The following DAB1 variants were observed in gnomAD, a reference collection of about 807,000 sequenced individuals.
DAB1 encodes the protein disabled homolog 1.
DAB1 carries 15 observed loss-of-function variants against 64.6 expected under a neutral mutation model. The ratio of observed to expected loss-of-function variants is 0.23; its 90% confidence interval spans 0.16 to 0.36. DAB1 has a LOEUF of 0.36. Ranked by LOEUF, DAB1 falls within the 10% of genes least tolerant of loss-of-function variation. The pLI is 1.00. For missense variants in DAB1, 596 were observed against 706.7 expected (o/e 0.84, Z 1.78); for synonymous variants, 235 against 251.9 (o/e 0.93, Z 0.64).
chr1:58,032,495 A>G (rs1302753605), intron 5 of DAB1, among the ~76,000 whole-genome samples: 3 of 152,198 alleles, frequency 2.0e-5, no homozygotes, highest in Non-Finnish European at 4.4e-5. Context: ...ATCAAAACCA[A>G]TTGTTGATCT....
intron 7 of DAB1, among the ~76,000 whole-genome samples, chr1:57,616,583 C>T (rs1441833036): frequency 1.3e-5 from 2 of 152,060 alleles, no homozygotes; most frequent in African/African-American, 2.4e-5. Context: ...TATAGGAGAT[C>T]TATAATGGCA....
chr1:57,183,050 C>T (rs1388237043), intron 2 of DAB1, among the ~76,000 whole-genome samples: 1 of 152,148 alleles, frequency 6.6e-6, no homozygotes, highest in African/African-American at 2.4e-5. Flanking sequence ...ATAGAACATT[C>T]CCATCATCAC....
intron 4 of DAB1, among the ~76,000 whole-genome samples, chr1:58,322,232 A>G (rs1662701749): frequency 6.6e-6 from 1 of 152,214 alleles, no homozygotes; most frequent in Non-Finnish European, 1.5e-5. Context: ...AAGCCAAAAT[A>G]GACAAATGGA....
chr1:57,727,781 C>G (rs983536136), intron 6 of DAB1, among the ~76,000 whole-genome samples: 6 of 151,914 alleles, frequency 3.9e-5, no homozygotes, highest in East Asian at 3.9e-4. Context: ...CCCCTTCTCT[C>G]CCTCTGTCTC....
At chr1:57,736,151 A>C in intron 6 of DAB1, among the ~76,000 whole-genome samples, 1 of 152,322 alleles carries the variant, frequency 6.6e-6, no homozygotes. Flanking sequence ...CTTGGGCTAC[A>C]TAGGAAGACT....
intron 1 of DAB1, among the ~76,000 whole-genome samples, chr1:57,414,711 A>G (rs1684362707): frequency 6.6e-6 from 1 of 152,202 alleles, no homozygotes; most frequent in Non-Finnish European, 1.5e-5. Flanking sequence ...CATATGATGA[A>G]AATTAATATA....
intron 2 of DAB1, among the ~76,000 whole-genome samples, chr1:57,186,157 G>C (rs924602816): frequency 2.0e-5 from 3 of 152,142 alleles, no homozygotes; most frequent in African/African-American, 7.2e-5. Context: ...ATAACCAAGT[G>C]GTTAGAATTA....
intron 5 of DAB1, among the ~76,000 whole-genome samples, chr1:58,044,688 T>G (rs1298946093): frequency 6.6e-6 from 1 of 152,128 alleles, no homozygotes; most frequent in Non-Finnish European, 1.5e-5. Context: ...CAGATCCCAG[T>G]TCTGACACGT....
At chr1:58,062,015 C>T (rs971182880) in intron 5 of DAB1, among the ~76,000 whole-genome samples, 2 of 152,162 alleles carry the variant, frequency 1.3e-5, no homozygotes, top group Non-Finnish European at 2.9e-5. Context: ...AGTAAGGAAA[C>T]TGAGGCCCCA....
intron 1 of DAB1, chr1:58,539,255 G>A (rs1646565708): frequency 1.2e-6 from 1 of 867,938 alleles, no homozygotes; most frequent in Admixed American, 1.7e-5. Context: ...AAGAAAACAT[G>A]GTTTCTAGCA....
chr1:58,038,091 T>G (rs973715390), intron 5 of DAB1, among the ~76,000 whole-genome samples: 13 of 152,220 alleles, frequency 8.5e-5, no homozygotes, highest in Non-Finnish European at 1.9e-4. Context: ...TGACTTGATA[T>G]CTTTTATATT....
intron 5 of DAB1, among the ~76,000 whole-genome samples, chr1:58,145,645 G>A (rs1160414280): frequency 6.6e-6 from 1 of 152,198 alleles, no homozygotes; most frequent in East Asian, 1.9e-4. Flanking sequence ...GAGGGAAAGA[G>A]CTTATCTCAG....
At chr1:58,322,786 T>A (rs1433421142) in intron 4 of DAB1, among the ~76,000 whole-genome samples, 1 of 152,170 alleles carries the variant, frequency 6.6e-6, no homozygotes, top group Non-Finnish European at 1.5e-5. Context: ...AAGACACATG[T>A]ACACGTATGT....
intron 5 of DAB1, among the ~76,000 whole-genome samples, chr1:58,147,956 A>G (rs1654701355): frequency 7.4e-6 from 1 of 134,414 alleles, no homozygotes; most frequent in African/African-American, 2.9e-5. Flanking sequence ...AGCTCATGAT[A>G]TTTTACCAAG....
intron 4 of DAB1, among the ~76,000 whole-genome samples, chr1:58,153,668 T>C (rs571083888): frequency 6.6e-6 from 1 of 152,130 alleles, no homozygotes; most frequent in South Asian, 2.1e-4. Context: ...ATTCTTTCCT[T>C]TTCTCACCTC....
intron 1 of DAB1, among the ~76,000 whole-genome samples, chr1:57,316,084 T>C (rs1349342965): frequency 6.6e-6 from 1 of 152,214 alleles, no homozygotes; most frequent in African/African-American, 2.4e-5. Flanking sequence ...ACGAAGCCTA[T>C]TGTCCAGTCC....
At position 57,391,812 on chromosome 1, in the gene DAB1, C is replaced by CAG. The variant is rs796284038; in HGVS notation, c.-137+32116_-137+32117dup. Among the ~76,000 whole-genome samples, 550 of 141,784 alleles carry CAG rather than the reference C, an allele frequency of 3.9e-3. 12 individuals carry two copies. In the East Asian group the frequency reaches 0.048, roughly 12 times the overall value. The allele number at this position is 141,784 out of a possible 152,430, so 93.0% of individuals were successfully genotyped here. On this transcript the variant is annotated intron_variant, in intron 1 of 14. Coordinates refer to ENST00000371236, the MANE Select transcript of DAB1 (RefSeq NM_001365792.1). ...ACACACACACACACACACACACACA[C>CAG]AGAGAGAGGAGAGAGAGAGAAGAGG...
intron 5 of DAB1, among the ~76,000 whole-genome samples, chr1:57,973,522 G>A (rs772126026): frequency 2.6e-5 from 4 of 152,104 alleles, no homozygotes; most frequent in Non-Finnish European, 4.4e-5. Context: ...CATGTCAAAT[G>A]TACATCAATT....
chr1:57,194,261 T>C (rs1664427358), intron 2 of DAB1, among the ~76,000 whole-genome samples: 1 of 152,186 alleles, frequency 6.6e-6, no homozygotes, highest in Non-Finnish European at 1.5e-5. Context: ...TGCCAACAAA[T>C]GTGGAAATGC....
Sources: allele counts gnomAD v4.1 joint callset (sites outside exome capture counted in the v4.1 genomes callset), GRCh38; gene constraint gnomAD v4.1.1; transcripts MANE v1.5; gene names NCBI Gene and HGNC (gene_info 2026-07-23, HGNC 2026-07-21).